The following PCDHGB1 variants were observed in gnomAD, a reference collection of about 807,000 sequenced individuals.
The protein encoded by PCDHGB1 is protocadherin gamma subfamily B, 1.
A neutral mutation model predicts 56.6 loss-of-function variants in PCDHGB1; 34 were observed. The ratio of observed to expected loss-of-function variants is 0.60; its 90% CI spans 0.46 to 0.80. PCDHGB1 has a LOEUF of 0.80. Ranked by LOEUF, PCDHGB1 falls within the 30% of genes least tolerant of loss-of-function variation. The pLI, the probability that PCDHGB1 is intolerant of heterozygous loss-of-function variation, is 0.00. For missense variants in PCDHGB1, 1,278 were observed against 1,204.6 expected, an observed-to-expected ratio of 1.06 and a Z score of -0.90; for synonymous variants, 561 against 505.9, an observed-to-expected ratio of 1.11 and a Z score of -1.46.
chr5:141,442,298 G>A (rs934210433), intron 1 of PCDHGB1: 2 of 152,564 alleles, frequency 1.3e-5, no homozygotes, highest in African/African-American at 4.8e-5. Flanking sequence ...TCCTGTCTGA[G>A]TCTTTCCCAC....
chr5:141,399,618 G>A, intron 1 of PCDHGB1: 1 of 1,613,914 alleles, frequency 6.2e-7, no homozygotes, highest in Non-Finnish European at 8.5e-7. Context: ...CTCTGGCACT[G>A]GCCTCTTACG....
Position 141,350,971 on chromosome 5 carries a change from C to T in PCDHGB1, c.711C>T (p.Pro237=), listed in dbSNP as rs772425962. 6.2e-7 allele frequency: 1 copy of T among 1,614,080 alleles called. No homozygotes were observed. Residue 237 remains proline (P), a synonymous_variant, in exon 1 of 4, where the codon CCC becomes CCT. Transcript: ENST00000523390. ...TTACGGATGCCAATGATAATGCTCC[C>T]GTGTTTAGCCAGGAGGTATACAGGG... The part of the protein sequence containing the change: ...IRVTDANDNA[P]VFSQEVYRVS...
rs1385144710 is a variant in PCDHGB1 at position 141,399,080 on chromosome 5, G to C, written c.2409+46411G>C. 1 of 1,613,696 alleles carries C rather than the reference G, an allele frequency of 6.2e-7. No homozygotes were observed. On this transcript the variant is annotated intron_variant, in intron 1 of 3. Transcript: ENST00000523390. ...GAATATTCAATGGTTGTAGAAGGGA[G>C]GGATGGTGGTGGACTGGTTGCACAA...
intron 1 of PCDHGB1, among the ~76,000 whole-genome samples, chr5:141,353,876 T>C (rs1308614593): frequency 1.3e-5 from 2 of 152,224 alleles, no homozygotes; most frequent in African/African-American, 4.8e-5. Context: ...TCTCTCAAAG[T>C]CTGAGGGTTT....
intron 1 of PCDHGB1, chr5:141,393,048 C>T (rs745354934): frequency 1.2e-6 from 2 of 1,613,672 alleles, no homozygotes; most frequent in African/African-American, 1.3e-5. Context: ...TGCTCTGAAC[C>T]CGCGCAGCGG....
At chr5:141,458,090 G>C (rs1306631184) in intron 1 of PCDHGB1, among the ~76,000 whole-genome samples, 2 of 152,234 alleles carry the variant, frequency 1.3e-5, no homozygotes, top group Non-Finnish European at 1.5e-5. Context: ...CGTAAGTTAA[G>C]AGTACTTACA....
In PCDHGB1 at chr5:141,432,997, G is replaced by T. The variant is rs778828769; in HGVS notation, c.2410-61810G>T. 17 of 1,614,082 alleles carry T rather than the reference G, an allele frequency of 1.1e-5. No homozygotes were observed. The highest frequency in any genetic ancestry group is 4.5e-5 in the East Asian group (2 of 44,864). ...CGCACTTTGTGGGCGTGGACGGGGT[G>T]CAGGCTTTCCTGCAGACCTATTCCC... On this transcript the variant is annotated intron_variant, in intron 1 of 3. Transcript: ENST00000523390. The surrounding 1 kb of genome is among the most constrained non-coding windows in gnomAD (Gnocchi z 6.0).
At chr5:141,376,087 C>T in intron 1 of PCDHGB1, 3 of 1,613,656 alleles carry the variant, frequency 1.9e-6, no homozygotes, top group Non-Finnish European at 2.5e-6. Flanking sequence ...CCGACAGGAT[C>T]CCCGACATCC....
intron 1 of PCDHGB1, chr5:141,392,660 C>A: frequency 1.3e-6 from 1 of 797,246 alleles, no homozygotes; most frequent in Non-Finnish European, 1.9e-6. Flanking sequence ...GCAGATGCCA[C>A]AAACTAACTG....
rs766038218 is a variant in PCDHGB1 at position 141,398,581 on chromosome 5, T to C, written c.2409+45912T>C. The stretch of plus-strand genomic sequence containing the variant: ...TGAGTCTGCACAGCCTGGCACAAGA[T>C]TTATACTAGAAGTAGCAGAAGATGC... On this transcript the variant is annotated intron_variant, in intron 1 of 3. Transcript: ENST00000523390. The C allele has an allele frequency of 1.2e-5, 20 of 1,614,028 alleles. No individual in the cohort carries two copies. In the Admixed American group the frequency reaches 2.2e-4, roughly 17 times the overall value.
In PCDHGB1 at chr5:141,511,116, G is replaced by A. The variant is rs2099883616; in HGVS notation, c.2727G>A (p.Lys909=). Residue 909 remains lysine, a synonymous_variant, in exon 4 of 4, where the codon AAG becomes AAA. Transcript: ENST00000523390. The stretch of plus-strand genomic sequence containing the variant: ...ACGCAGCTGGCAAGCGGGATGGCAA[G>A]GCCCCAGCAGGTGGCAATGGCAACA... ...LTNAAGKRDG[K]APAGGNGNKK... The A allele has an allele frequency of 1.9e-6, 3 of 1,614,234 alleles. No individual in the cohort carries two copies. The highest frequency in any genetic ancestry group is 2.5e-6 in the Non-Finnish European group (3 of 1,180,026).
intron 1 of PCDHGB1, among the ~76,000 whole-genome samples, chr5:141,456,584 A>G (rs990911693): frequency 6.6e-6 from 1 of 152,212 alleles, no homozygotes; most frequent in Non-Finnish European, 1.5e-5. Flanking sequence ...TGAGCCTGTC[A>G]ATAATTTTGA....
chr5:141,365,976 G>T, intron 1 of PCDHGB1: 1 of 1,614,232 alleles, frequency 6.2e-7, no homozygotes, highest in Non-Finnish European at 8.5e-7. Context: ...GTGTCGCTGA[G>T]CCTGTTTGTG....
In PCDHGB1 at chr5:141,431,118, A is replaced by T. The variant is rs2097344347; in HGVS notation, c.2410-63689A>T. On this transcript the variant is annotated intron_variant, in intron 1 of 3. Coordinates refer to ENST00000523390, the MANE Select transcript of PCDHGB1 (RefSeq NM_018922.3). This position sits in a 1 kb window ranked among gnomAD's most constrained non-coding sequence, Gnocchi z 4.8. ...GATAAAGTGAAAATATATGGAGTAG[A>T]AGTAGAAGTAAGGGACATTAACGAC... is the stretch of plus-strand genomic sequence containing the variant. The T allele has an allele frequency of 6.2e-7, 1 of 1,614,182 alleles. No homozygotes were observed. Among genetic ancestry groups the T allele is most frequent in the African/African-American group, 1.3e-5 (1 of 75,070 alleles).
At chr5:141,438,749 C>T (rs1238134451) in intron 1 of PCDHGB1, among the ~76,000 whole-genome samples, 3 of 149,226 alleles carry the variant, frequency 2.0e-5, no homozygotes, top group African/African-American at 4.9e-5. Context: ...GCAACCTCTG[C>T]CTCCTGGGTT....
rs867175585 is a variant in PCDHGB1, at chr5:141,376,626, G to A, written c.2409+23957G>A. 71 of 1,155,548 alleles carry A rather than the reference G, an allele frequency of 6.1e-5. 4 individuals carry two copies. In the Middle Eastern group the frequency reaches 4.6e-3, roughly 75 times the overall value. 71.6% of individuals were successfully genotyped at this position (1,155,548 alleles called of 1,614,324 possible). A position where few individuals can be genotyped will look rare whatever the true frequency, so the allele number is the denominator to read the frequency against. Reference sequence around the variant, plus strand: ...AAGCGAACCTCTTTTGGTACAGGAAGATTCGTGATTTTGTAAAGTGGAAGA... The same window carrying A: ...AAGCGAACCTCTTTTGGTACAGGAAAATTCGTGATTTTGTAAAGTGGAAGA... On this transcript the variant is annotated intron_variant, in intron 1 of 3. Transcript: ENST00000523390.
At chr5:141,443,704 C>T (rs894128704) in intron 1 of PCDHGB1, among the ~76,000 whole-genome samples, 6 of 152,102 alleles carry the variant, frequency 3.9e-5, no homozygotes, top group Non-Finnish European at 7.4e-5. Flanking sequence ...TATAGAATAA[C>T]ATTTGCATAT....
chr5:141,404,658 C>T, intron 1 of PCDHGB1: 2 of 1,614,198 alleles, frequency 1.2e-6, no homozygotes, highest in Non-Finnish European at 1.7e-6. Context: ...GCCCTCCCCA[C>T]TGATGGTTCT....
chr5:141,471,635 A>G (rs1477641248), intron 1 of PCDHGB1: 1 of 152,224 alleles, frequency 6.6e-6, no homozygotes, highest in Non-Finnish European at 1.5e-5. Context: ...GGTATGGATT[A>G]GTAATATACT....
Sources: gnomAD v4.1 joint callset for allele counts (sites outside exome capture counted in the v4.1 genomes callset) on GRCh38, gnomAD v4.1.1 for gene constraint, Gnocchi (gnomAD v3.1) non-coding constraint, MANE v1.5 for transcripts, NCBI Gene and HGNC (gene_info 2026-07-23, HGNC 2026-07-21) for gene names.